The following ZNF438 variants were observed in gnomAD, a reference collection of about 807,000 sequenced individuals.
The protein encoded by ZNF438 is zinc finger protein 438.
ZNF438 carries 25 observed loss-of-function variants against 38.0 expected under a neutral mutation model. The observed-to-expected ratio is 0.66, with a 90% CI of 0.48 to 0.92. The LOEUF is 0.92. Ranked by LOEUF, ZNF438 falls within the 40% of genes least tolerant of loss-of-function variation. The probability of loss-of-function intolerance (pLI) is 0.00; values close to 1 mark genes in which losing one functional copy is unlikely to be tolerated. For missense variants in ZNF438, 1,007 were observed against 999.6 expected, an observed-to-expected ratio of 1.01 and a Z score of -0.10; for synonymous variants, 372 against 364.1, an observed-to-expected ratio of 1.02 and a Z score of -0.25.
chr10:30,988,913 G>A, intron 1 of ZNF438, among the ~76,000 whole-genome samples: 1 of 152,002 alleles, frequency 6.6e-6, no homozygotes, highest in Non-Finnish European at 1.5e-5. Context: ...TTGTGTGAAG[G>A]TCTCTGTGGA....
At chr10:30,932,154 T>C (rs2045763128) in intron 2 of ZNF438, among the ~76,000 whole-genome samples, 1 of 152,170 alleles carries the variant, frequency 6.6e-6, no homozygotes, top group South Asian at 2.1e-4. Context: ...CAAGTGCATA[T>C]AGGGGCCAGG....
intron 2 of ZNF438, among the ~76,000 whole-genome samples, chr10:30,923,007 C>G (rs1282623074): frequency 2.0e-5 from 3 of 152,118 alleles, no homozygotes; most frequent in Non-Finnish European, 2.9e-5. Flanking sequence ...CTTAGTTAAG[C>G]CTTTTTGATA....
chr10:31,028,565 C>T (rs1035632690), intron 1 of ZNF438, among the ~76,000 whole-genome samples: 38 of 152,108 alleles, frequency 2.5e-4, no homozygotes, highest in African/African-American at 9.2e-4. Context: ...CTTTTCATGC[C>T]CCATCTCACA....
At chr10:30,901,559 A>T (rs2041985695) in intron 3 of ZNF438, among the ~76,000 whole-genome samples, 1 of 152,166 alleles carries the variant, frequency 6.6e-6, no homozygotes, top group Non-Finnish European at 1.5e-5. Context: ...TGGCCCCCGA[A>T]TTCTAAGGAA....
intron 1 of ZNF438, among the ~76,000 whole-genome samples, chr10:31,002,577 C>G (rs537940754): frequency 6.6e-6 from 1 of 152,288 alleles, no homozygotes; most frequent in East Asian, 1.9e-4. Flanking sequence ...GCTCTTGATA[C>G]TAGCTAGACC....
chr10:30,888,482 A>G (rs1033244936), intron 3 of ZNF438, among the ~76,000 whole-genome samples: 2 of 152,120 alleles, frequency 1.3e-5, no homozygotes, highest in African/African-American at 4.8e-5. Flanking sequence ...TACTAAACCT[A>G]ATACCCAATA....
chr10:30,916,970 T>A (rs1478238050), intron 2 of ZNF438, among the ~76,000 whole-genome samples: 1 of 152,120 alleles, frequency 6.6e-6, no homozygotes, highest in Non-Finnish European at 1.5e-5. Flanking sequence ...TCCTTGTGAT[T>A]TTTAAAGCTC....
chr10:30,890,761 G>A (rs1023482968), intron 3 of ZNF438, among the ~76,000 whole-genome samples: 16 of 152,310 alleles, frequency 1.1e-4, no homozygotes, highest in African/African-American at 3.6e-4. Flanking sequence ...TCAGAGACAT[G>A]CACTCTCAAT....
intron 1 of ZNF438, among the ~76,000 whole-genome samples, chr10:30,956,596 C>T (rs2048890600): frequency 1.3e-5 from 2 of 152,164 alleles, no homozygotes. Context: ...AACCACTATT[C>T]TACTTTCTAC....
At chr10:30,929,975 C>A (rs766123254) in intron 2 of ZNF438, among the ~76,000 whole-genome samples, 1 of 152,246 alleles carries the variant, frequency 6.6e-6, no homozygotes, top group African/African-American at 2.4e-5. Flanking sequence ...AAGTCCCCAA[C>A]TGACTCAGGA....
At chr10:30,931,847 A>T (rs2045734295) in intron 2 of ZNF438, among the ~76,000 whole-genome samples, 1 of 152,200 alleles carries the variant, frequency 6.6e-6, no homozygotes, top group Non-Finnish European at 1.5e-5. Context: ...ATATCTCAAA[A>T]TATTTGTTCC....
chr10:30,950,286 A>G (rs1209893103), intron 1 of ZNF438, among the ~76,000 whole-genome samples: 1 of 152,192 alleles, frequency 6.6e-6, no homozygotes, highest in African/African-American at 2.4e-5. Flanking sequence ...AATGCCCACA[A>G]GAGAAAGCAG....
At position 30,961,695 on chromosome 10, in the gene ZNF438, T is replaced by C. The variant is rs532263038; in HGVS notation, c.-191-20044A>G. ...TGAGATCAGGAGTTCGAGACCAGCCTGGCCAACATGGTGAAACCCCGTCTC... is the reference window on the plus strand; with the variant it reads ...TGAGATCAGGAGTTCGAGACCAGCCCGGCCAACATGGTGAAACCCCGTCTC... On this transcript the variant is annotated intron_variant, in intron 1 of 5. Coordinates refer to ENST00000413025, the Ensembl canonical transcript of ZNF438. 1.1e-4 allele frequency among the ~76,000 whole-genome samples: 16 copies of C among 145,872 alleles called. No homozygotes were observed. The East Asian group carries it at 3.1e-3, about 28-fold the overall frequency.
chr10:30,995,863 G>A (rs571750261), intron 1 of ZNF438, among the ~76,000 whole-genome samples: 4 of 152,160 alleles, frequency 2.6e-5, no homozygotes, highest in African/African-American at 9.6e-5. Context: ...CTATAAATAC[G>A]TACTTGCTCT....
intron 2 of ZNF438, among the ~76,000 whole-genome samples, chr10:30,937,697 C>A (rs572705455): frequency 2.0e-4 from 30 of 152,318 alleles, no homozygotes; most frequent in Admixed American, 2.0e-4. Context: ...TCAAGGCTGA[C>A]ATCACCAGCT....
rs144392989 is a variant in ZNF438, at chr10:31,008,934, T to G, written c.-192+22899A>C. ...CACATCCTCACTAACACTTGTTATC[T>G]GCTTTTGATTACAGCTAACTAGTGG... On this transcript the variant is annotated intron_variant, in intron 1 of 5. Coordinates refer to ENST00000413025, the Ensembl canonical transcript of ZNF438. 2.4e-3 allele frequency among the ~76,000 whole-genome samples: 372 copies of G among 152,338 alleles called. 1 individual carries two copies. The highest frequency in any genetic ancestry group is 8.4e-3 in the African/African-American group (348 of 41,570).
intron 1 of ZNF438, among the ~76,000 whole-genome samples, chr10:30,989,983 A>G (rs1469358700): frequency 6.6e-6 from 1 of 152,224 alleles, no homozygotes; most frequent in Non-Finnish European, 1.5e-5. Flanking sequence ...TCTAAGAGAA[A>G]TAGCTGAATC....
chr10:30,952,003 C>G lies in ZNF438; in HGVS notation c.-191-10352G>C, dbSNP rs949240670. ...TCACACTACCTGACTTCAAACTATA[C>G]TACAAGGCTACAGTAACCAAAACAG... On this transcript the variant is annotated intron_variant, in intron 1 of 5. Coordinates refer to ENST00000413025, the Ensembl canonical transcript of ZNF438. Among the ~76,000 whole-genome samples, 503 of 150,158 alleles carry G rather than the reference C, an allele frequency of 3.3e-3. 3 individuals carry two copies. Among genetic ancestry groups the G allele is most frequent in the African/African-American group, 0.012 (484 of 41,300 alleles).
chr10:30,897,681 T>C (rs193092806), intron 3 of ZNF438, among the ~76,000 whole-genome samples: 6 of 152,286 alleles, frequency 3.9e-5, no homozygotes, highest in Admixed American at 2.0e-4. Context: ...AACCCCTAAA[T>C]TAACTTTCAG....
Sources: allele counts gnomAD v4.1 joint callset (sites outside exome capture counted in the v4.1 genomes callset), GRCh38; gene constraint gnomAD v4.1.1; transcripts MANE v1.5; gene names NCBI Gene and HGNC (gene_info 2026-07-23, HGNC 2026-07-21).